The following PCNX2 variants were observed in gnomAD, a reference collection of about 807,000 sequenced individuals.
The protein encoded by PCNX2 is pecanex 2, also known as pecanex-like protein 2.
In PCNX2, 168 loss-of-function variants were observed where a neutral mutation model predicts 223.8. The ratio of observed to expected loss-of-function variants is 0.75; its 90% CI spans 0.66 to 0.85. The LOEUF is 0.85. PCNX2 is among the 40% of genes least tolerant of loss of function. The probability of loss-of-function intolerance (pLI) is 0.00; values close to 1 mark genes in which losing one functional copy is unlikely to be tolerated. For missense variants in PCNX2, 2,507 were observed against 2,675.5 expected (o/e 0.94, Z 1.39); for synonymous variants, 1,006 against 1,052.6 (o/e 0.96, Z 0.86).
intron 21 of PCNX2, among the ~76,000 whole-genome samples, chr1:233,120,164 C>CAAAAAAAAAAAAAAAAAAAAA (rs1228898502): frequency 2.3e-4 from 10 of 42,666 alleles, no homozygotes; most frequent in Non-Finnish European, 3.6e-4. Context: ...GACTCCATTT[C>CAAAAAAAAAAAAAAAAAAAAA]AAAAAAAAAA....
rs1000860090 is a variant in PCNX2 at position 232,991,808 on chromosome 1, C to T, written c.5792-5268G>A. Among the ~76,000 whole-genome samples the T allele has an allele frequency of 1.1e-4, 17 of 152,218 alleles. No individual in the cohort carries two copies. The highest frequency in any genetic ancestry group is 4.4e-5 in the Non-Finnish European group (3 of 68,012). The stretch of plus-strand genomic sequence containing the variant: ...CTCCAGCCCTCAGGAGGAACCAAGC[C>T]TGCCCACACCTGGATCTCAGACTTC... On this transcript the variant is annotated intron_variant, in intron 32 of 33. Transcript: ENST00000258229. This position sits in a 1 kb window ranked among gnomAD's most constrained non-coding sequence, Gnocchi z 4.3.
chr1:232,997,760 G>A (rs1247805926), intron 32 of PCNX2, among the ~76,000 whole-genome samples: 4 of 152,146 alleles, frequency 2.6e-5, no homozygotes. Context: ...CCTATCTGTG[G>A]GCACCCTTTC....
At chr1:233,036,544 C>T (rs1249331095) in intron 25 of PCNX2, among the ~76,000 whole-genome samples, 6 of 151,688 alleles carry the variant, frequency 4.0e-5, no homozygotes, top group Admixed American at 2.6e-4. Flanking sequence ...GCAGGAGAAT[C>T]GCTTGAACCC....
At chr1:233,059,597 C>T (rs1213728950) in intron 23 of PCNX2, among the ~76,000 whole-genome samples, 2 of 152,212 alleles carry the variant, frequency 1.3e-5, no homozygotes, top group Non-Finnish European at 2.9e-5. Context: ...CTGACTCTTA[C>T]ATCAGTCCCT....
rs367588322 is a variant in PCNX2, at chr1:233,243,364, A to G, written c.2223-6384T>C. Among the ~76,000 whole-genome samples the G allele has an allele frequency of 7.9e-5, 12 of 152,314 alleles. No homozygotes were observed. In the East Asian group the frequency reaches 1.7e-3, roughly 22 times the overall value. ...CTTATGGGGAAAAGGCTGCTTTTCC[A>G]ATATATCTTCCATGGCTGAATGGCT... On this transcript the variant is annotated intron_variant, in intron 8 of 33. Coordinates refer to ENST00000258229, the MANE Select transcript of PCNX2 (RefSeq NM_014801.4).
chr1:233,010,055 T>A (rs565440935), intron 28 of PCNX2, among the ~76,000 whole-genome samples: 2 of 120,500 alleles, frequency 1.7e-5, no homozygotes, highest in South Asian at 4.7e-4. Flanking sequence ...AGATATTGCA[T>A]CCTGTTTACT....
At chr1:233,037,807 C>T (rs1233784740) in intron 25 of PCNX2, among the ~76,000 whole-genome samples, 2 of 152,176 alleles carry the variant, frequency 1.3e-5, no homozygotes, top group Admixed American at 6.5e-5. Flanking sequence ...AAGATCTGCC[C>T]ACAGGAATAA....
At chr1:233,069,379 A>C (rs1672751632) in intron 23 of PCNX2, among the ~76,000 whole-genome samples, 1 of 152,166 alleles carries the variant, frequency 6.6e-6, no homozygotes, top group Admixed American at 6.5e-5. Flanking sequence ...CATTTACTGC[A>C]CACTCCACCC....
At chr1:233,117,991 C>T (rs1481886782) in intron 21 of PCNX2, among the ~76,000 whole-genome samples, 1 of 144,280 alleles carries the variant, frequency 6.9e-6, no homozygotes, top group African/African-American at 2.6e-5. Flanking sequence ...GCCTGGGCGA[C>T]AGAGCGAGAC....
At position 232,998,104 on chromosome 1, in the gene PCNX2, C is replaced by A. The variant is rs796287561; in HGVS notation, c.5791+147G>T. ...TGGAGAATTGTTTTCCTGAGCAGAA[C>A]CTACAAGAGTCTGCAAATTTCCGGC... On this transcript the variant is annotated intron_variant, in intron 32 of 33. Coordinates refer to ENST00000258229, the MANE Select transcript of PCNX2 (RefSeq NM_014801.4). 3 of 760,540 alleles carry A rather than the reference C, an allele frequency of 3.9e-6. No homozygotes were observed. In the East Asian group the frequency reaches 9.9e-5, roughly 25 times the overall value. 47.1% of individuals were successfully genotyped at this position (760,540 alleles called of 1,614,324 possible).
rs7545907 is a variant in PCNX2 at position 233,115,964 on chromosome 1, A to C, written c.3837+19049T>G. ...GTATGAGAAAATGTGTATTATGCAA[A>C]TATCAACCAAAAACAGGAGCAGTGA... On this transcript the variant is annotated intron_variant, in intron 21 of 33. Coordinates refer to ENST00000258229, the MANE Select transcript of PCNX2 (RefSeq NM_014801.4). 4.4e-3 allele frequency among the ~76,000 whole-genome samples: 666 copies of C among 152,320 alleles called. 3 individuals are homozygous for C. Among genetic ancestry groups the C allele is most frequent in the African/African-American group, 0.016 (647 of 41,572 alleles).
chr1:233,295,595 G>GCCGCCGTCGCCC lies in PCNX2; in HGVS notation c.-129_-118dup, dbSNP rs954102708. 1.6e-5 allele frequency: 18 copies of GCCGCCGTCGCCC among 1,103,906 alleles called. No individual in the cohort carries two copies. Among genetic ancestry groups the GCCGCCGTCGCCC allele is most frequent in the Admixed American group, 4.4e-5 (1 of 22,908 alleles). The allele number at this position is 1,103,906 out of a possible 1,614,324, so 68.4% of individuals were successfully genotyped here. On this transcript the variant is annotated 5_prime_UTR_variant, in exon 1 of 34. Coordinates refer to ENST00000258229, the MANE Select transcript of PCNX2 (RefSeq NM_014801.4). The surrounding 1 kb of genome is among the most constrained non-coding windows in gnomAD (Gnocchi z 4.1). ...CGCGGGCCGCGCCCCCGCCGTCGCC[G>GCCGCCGTCGCCC]CCGCCGTCGCCCCCGCCGCCTCCTT...
At chr1:233,234,606 C>T (rs984333710) in intron 9 of PCNX2, among the ~76,000 whole-genome samples, 4 of 152,058 alleles carry the variant, frequency 2.6e-5, no homozygotes, top group African/African-American at 9.7e-5. Flanking sequence ...TCTGCTCTAA[C>T]GGGGATATTT....
At chr1:233,083,334 GAGC>G (rs1241717250) in intron 23 of PCNX2, among the ~76,000 whole-genome samples, 6 of 152,330 alleles carry the variant, frequency 3.9e-5, no homozygotes, top group African/African-American at 1.4e-4. Context: ...AACTGGTAAA[GAGC>G]AGCAGGTGTA....
chr1:233,122,167 C>A (rs1275249776), intron 21 of PCNX2, among the ~76,000 whole-genome samples: 1 of 151,566 alleles, frequency 6.6e-6, no homozygotes, highest in Non-Finnish European at 1.5e-5. Flanking sequence ...AAGCTGCCAA[C>A]TGGAGAGCTC....
chr1:233,142,308 C>G (rs1386565512), intron 19 of PCNX2, among the ~76,000 whole-genome samples: 1 of 152,188 alleles, frequency 6.6e-6, no homozygotes, highest in Admixed American at 6.5e-5. Flanking sequence ...CCTGCATTCC[C>G]TCCCAGCAAC....
chr1:233,030,284 CCTCT>C (rs1671219675), intron 25 of PCNX2, among the ~76,000 whole-genome samples: 1 of 151,668 alleles, frequency 6.6e-6, no homozygotes, highest in Non-Finnish European at 1.5e-5. Context: ...GTGTACTTTT[CCTCT>C]CTATTAATAT....
intron 17 of PCNX2, among the ~76,000 whole-genome samples, chr1:233,175,631 T>C (rs1276364441): frequency 6.6e-6 from 1 of 152,168 alleles, no homozygotes; most frequent in Non-Finnish European, 1.5e-5. Flanking sequence ...TTTGACCTTC[T>C]CCCTGTAAGT....
chr1:233,144,525 T>C (rs1677311938), intron 19 of PCNX2, among the ~76,000 whole-genome samples: 1 of 152,232 alleles, frequency 6.6e-6, no homozygotes, highest in African/African-American at 2.4e-5. Flanking sequence ...TCCTTTTTGT[T>C]CCACATCTTT....
Sources: allele counts gnomAD v4.1 joint callset (sites outside exome capture counted in the v4.1 genomes callset), GRCh38; gene constraint gnomAD v4.1.1; non-coding constraint Gnocchi (gnomAD v3.1); transcripts MANE v1.5; gene names NCBI Gene and HGNC (gene_info 2026-07-23, HGNC 2026-07-21).